PDIA5: variants seen among roughly 807,000 people sequenced by gnomAD.
The protein encoded by PDIA5 is protein disulfide-isomerase A5.
Under a neutral mutation model 77.6 loss-of-function variants are expected in PDIA5, and 58 were observed. The observed-to-expected ratio is 0.75, with a 90% CI of 0.61 to 0.93. The LOEUF is 0.93. Ranked by LOEUF, PDIA5 falls within the 40% of genes least tolerant of loss-of-function variation. The pLI, the probability that PDIA5 is intolerant of heterozygous loss-of-function variation, is 0.00. For missense variants in PDIA5, 630 were observed against 647.7 expected (o/e 0.97, Z 0.30); for synonymous variants, 250 against 252.1 (o/e 0.99, Z 0.08).
At chr3:123,102,927 T>TAAGA in intron 5 of PDIA5, 131 bp downstream of exon 5, 2 of 709,330 alleles carry the variant, frequency 2.8e-6, no homozygotes, top group Non-Finnish European at 5.2e-6. Flanking sequence ...GAGAGATTCT[T>TAAGA]ATCTCTAGAG....
intron 14 of PDIA5, among the ~76,000 whole-genome samples, chr3:123,151,269 C>T (rs560368984): frequency 4.6e-5 from 7 of 152,250 alleles, no homozygotes; most frequent in Non-Finnish European, 7.3e-5. Context: ...CTCCCAGTCC[C>T]TTACAGAGCT....
chr3:123,154,883 C>T, intron 14 of PDIA5, 88 bp from the exon 15 acceptor site: 1 of 877,384 alleles, frequency 1.1e-6, no homozygotes, highest in African/African-American at 1.6e-5. Context: ...GGAGAGCCCT[C>T]TCTGGAGCTT....
chr3:123,111,658 C>G (rs1934866816), intron 7 of PDIA5, among the ~76,000 whole-genome samples: 1 of 152,190 alleles, frequency 6.6e-6, no homozygotes, highest in Admixed American at 6.5e-5. Flanking sequence ...TCTCAGTTTC[C>G]ACATCTGTAA....
chr3:123,150,402 A>G, intron 14 of PDIA5, 38 bp downstream of exon 14: 1 of 1,598,314 alleles, frequency 6.3e-7, no homozygotes. Flanking sequence ...GCACAGTAAG[A>G]GGGGTTTGGC....
intron 3 of PDIA5, among the ~76,000 whole-genome samples, chr3:123,094,873 G>T (rs1934393323): frequency 6.6e-6 from 1 of 152,182 alleles, no homozygotes; most frequent in South Asian, 2.1e-4. Flanking sequence ...TGGCTAGGAT[G>T]GGGACAGGGC....
intron 1 of PDIA5, among the ~76,000 whole-genome samples, chr3:123,070,528 C>T (rs1011218968): frequency 2.6e-5 from 4 of 152,204 alleles, no homozygotes; most frequent in Admixed American, 6.5e-5. Flanking sequence ...CTGTCAAACA[C>T]GTGGGACAGG....
At chr3:123,083,020 G>C (rs149994195) in intron 1 of PDIA5, among the ~76,000 whole-genome samples, 1,536 of 152,260 alleles carry the variant, frequency 0.01, 21 homozygotes, top group African/African-American at 0.035. Context: ...TGAATGAGCA[G>C]ACACCTGTTA....
chr3:123,111,947 C>A (rs139880870), intron 7 of PDIA5, among the ~76,000 whole-genome samples: 1 of 152,166 alleles, frequency 6.6e-6, no homozygotes, highest in Admixed American at 6.5e-5. Context: ...TTATGGCCCA[C>A]GGGCCAGCTG....
intron 15 of PDIA5, 83 bp downstream of exon 15, chr3:123,155,124 A>C: frequency 1.0e-6 from 1 of 964,596 alleles, no homozygotes; most frequent in Non-Finnish European, 1.7e-6. Flanking sequence ...CCTTCCCCAA[A>C]CAGGGGCAGG....
At chr3:123,133,503 CT>C (rs909509491) in intron 11 of PDIA5, among the ~76,000 whole-genome samples, 9 of 152,196 alleles carry the variant, frequency 5.9e-5, no homozygotes, top group African/African-American at 1.9e-4. Context: ...ATTAGCGTGT[CT>C]TTCTTTTATC....
chr3:123,161,581 G>A (rs539319223), intron 16 of PDIA5, 126 bp downstream of exon 16: 261 of 1,054,898 alleles, frequency 2.5e-4, no homozygotes, highest in African/African-American at 7.3e-4. Context: ...ACACTGCACC[G>A]AGAGGCCCAG....
intron 3 of PDIA5, among the ~76,000 whole-genome samples, chr3:123,093,733 CA>C (rs1429677243): frequency 6.6e-6 from 1 of 152,218 alleles, no homozygotes; most frequent in Admixed American, 6.5e-5. Context: ...GTCAGGTGAA[CA>C]GTGCCACAAA....
At chr3:123,159,730 C>T (rs574241713) in intron 15 of PDIA5, among the ~76,000 whole-genome samples, 4 of 152,216 alleles carry the variant, frequency 2.6e-5, no homozygotes, top group South Asian at 4.1e-4. Flanking sequence ...AAAGTCTCAC[C>T]GTATAGAATG....
Position 123,087,470 on chromosome 3 carries a change from A to ATTT in PDIA5, c.43-1689_43-1687dup, listed in dbSNP as rs145616985. On this transcript the variant is annotated intron_variant, in intron 1 of 16. Coordinates refer to ENST00000316218, the MANE Select transcript of PDIA5 (RefSeq NM_006810.4). Reference sequence around the variant, plus strand: ...ATCTTTTTGTTGTATTTTCTAGGAGATTTTTTTTTTTCAATTCTACTTCCA... The same window carrying ATTT: ...ATCTTTTTGTTGTATTTTCTAGGAGATTTTTTTTTTTTTTCAATTCTACTTCCA... 7.2e-5 allele frequency among the ~76,000 whole-genome samples: 9 copies of ATTT among 124,210 alleles called. 1 individual carries two copies. Among genetic ancestry groups the ATTT allele is most frequent in the African/African-American group, 2.4e-4 (8 of 33,170 alleles). 81.5% of individuals were successfully genotyped at this position (124,210 alleles called of 152,430 possible).
intron 8 of PDIA5, among the ~76,000 whole-genome samples, chr3:123,120,494 G>T (rs140513172): frequency 7.9e-5 from 12 of 152,202 alleles, no homozygotes; most frequent in African/African-American, 2.9e-4. Flanking sequence ...TCCTTCCACC[G>T]GCTAGATGGG....
intron 1 of PDIA5, among the ~76,000 whole-genome samples, chr3:123,079,522 C>A (rs1933940442): frequency 6.6e-6 from 1 of 152,070 alleles, no homozygotes; most frequent in Admixed American, 6.6e-5. Flanking sequence ...AATAAAATAC[C>A]ATCTAAATGG....
At chr3:123,112,893 C>A (rs945344873) in intron 7 of PDIA5, among the ~76,000 whole-genome samples, 3 of 152,112 alleles carry the variant, frequency 2.0e-5, no homozygotes, top group Non-Finnish European at 4.4e-5. Context: ...GGGTGTCCTC[C>A]AGCCCCAGCC....
intron 8 of PDIA5, among the ~76,000 whole-genome samples, chr3:123,118,982 G>C (rs1359551842): frequency 6.6e-6 from 1 of 152,218 alleles, no homozygotes; most frequent in Non-Finnish European, 1.5e-5. Context: ...AGGGCATGGT[G>C]GTTCATGCCT....
intron 8 of PDIA5, among the ~76,000 whole-genome samples, chr3:123,117,261 G>A (rs1935017053): frequency 6.6e-6 from 1 of 150,788 alleles, no homozygotes; most frequent in Admixed American, 6.6e-5. Flanking sequence ...CCTTTCTCTA[G>A]AACTTTTTCA....
Sources: allele counts gnomAD v4.1 joint callset (sites outside exome capture counted in the v4.1 genomes callset), GRCh38; gene constraint gnomAD v4.1.1; transcripts MANE v1.5; gene names NCBI Gene and HGNC (gene_info 2026-07-23, HGNC 2026-07-21).